Variants in PCDH15 observed in about 807,000 individuals in gnomAD.
The protein encoded by PCDH15 is protocadherin related 15.
In PCDH15, 129 loss-of-function variants were observed where a neutral mutation model predicts 178.5. The ratio of observed to expected loss-of-function variants is 0.72; its 90% CI spans 0.63 to 0.84. PCDH15 has a LOEUF of 0.84. Ranked by LOEUF, PCDH15 falls within the 40% of genes least tolerant of loss-of-function variation. PCDH15 has a pLI of 0.00. For synonymous variants in PCDH15, 800 were observed against 732.0 expected (o/e 1.09, Z -1.50); for missense variants, 2,230 against 2,099.9 (o/e 1.06, Z -1.21).
intron 2 of PCDH15, among the ~76,000 whole-genome samples, chr10:54,927,570 A>G (rs1837663414): frequency 6.6e-6 from 1 of 151,986 alleles, no homozygotes; most frequent in South Asian, 2.1e-4. Flanking sequence ...TGAGAGTCTA[A>G]GTCTCTTTGA....
intron 3 of PCDH15, among the ~76,000 whole-genome samples, chr10:54,380,864 A>G (rs1050792531): frequency 7.3e-5 from 11 of 150,456 alleles, no homozygotes; most frequent in Non-Finnish European, 1.5e-4. Context: ...TAGTGAAACA[A>G]AAACACTGTA....
intron 16 of PCDH15, among the ~76,000 whole-genome samples, chr10:54,080,749 C>A (rs1226319148): frequency 6.6e-6 from 1 of 152,106 alleles, no homozygotes; most frequent in Non-Finnish European, 1.5e-5. Flanking sequence ...GCTTCCTGTA[C>A]ATTTTAAAAA....
At chr10:55,023,663 G>A (rs1840394756) in intron 2 of PCDH15, among the ~76,000 whole-genome samples, 1 of 151,888 alleles carries the variant, frequency 6.6e-6, no homozygotes, top group South Asian at 2.1e-4. Flanking sequence ...TTTGTTTCCT[G>A]CCTTCTTAAA....
chr10:54,336,090 T>C (rs1430646149), intron 6 of PCDH15, among the ~76,000 whole-genome samples: 1 of 152,148 alleles, frequency 6.6e-6, no homozygotes, highest in African/African-American at 2.4e-5. Context: ...TTGTGGAACC[T>C]TGAATTTGAG....
At chr10:54,403,338 C>T (rs35144595) in intron 3 of PCDH15, among the ~76,000 whole-genome samples, 8,189 of 151,856 alleles carry the variant, frequency 0.054, 265 homozygotes, top group Admixed American at 0.098. Context: ...GGTAAAGCAG[C>T]AACCACATGA....
intron 2 of PCDH15, among the ~76,000 whole-genome samples, chr10:54,656,674 G>A (rs2094412161): frequency 6.6e-6 from 1 of 152,134 alleles, no homozygotes; most frequent in Non-Finnish European, 1.5e-5. Context: ...AAGGGAAACA[G>A]AGAGGATCCC....
At chr10:54,508,977 T>C (rs2081403441) in intron 3 of PCDH15, among the ~76,000 whole-genome samples, 2 of 152,196 alleles carry the variant, frequency 1.3e-5, no homozygotes, top group Non-Finnish European at 2.9e-5. Flanking sequence ...AAGGTAATTT[T>C]AAATGATATT....
At chr10:54,746,952 C>T (rs1280361605) in intron 1 of PCDH15, among the ~76,000 whole-genome samples, 1 of 152,138 alleles carries the variant, frequency 6.6e-6, no homozygotes, top group African/African-American at 2.4e-5. Flanking sequence ...GTATTATAGG[C>T]ATTTGTGACT....
intron 2 of PCDH15, among the ~76,000 whole-genome samples, chr10:55,413,305 A>C (rs368568825): frequency 1.3e-5 from 2 of 151,736 alleles, no homozygotes; most frequent in East Asian, 3.9e-4. Context: ...AAAAGGGATA[A>C]AGATTCCTCT....
At chr10:54,091,012 G>A (rs2094592105) in intron 15 of PCDH15, among the ~76,000 whole-genome samples, 1 of 152,116 alleles carries the variant, frequency 6.6e-6, no homozygotes, top group Non-Finnish European at 1.5e-5. Context: ...CAACACCCAA[G>A]TCGGAGAAGA....
At chr10:54,087,005 A>G (rs2094526537) in intron 16 of PCDH15, among the ~76,000 whole-genome samples, 1 of 152,208 alleles carries the variant, frequency 6.6e-6, no homozygotes, top group African/African-American at 2.4e-5. Flanking sequence ...TGGCAAAACT[A>G]GTAGCTCACT....
rs1403564992 is a variant in PCDH15, at chr10:53,806,984, T to G, written c.4818A>C (p.Ala1606=). 1.2e-6 allele frequency: 2 copies of G among 1,613,816 alleles called. No homozygotes were observed. The highest frequency in any genetic ancestry group is 1.6e-4 in the Middle Eastern group (1 of 6,062). ...GGGTTCTCACCACAGAACCATTCTGTGCAATATATATATTGCCGTTGATAT... is the reference window on the plus strand; with the variant it reads ...GGGTTCTCACCACAGAACCATTCTGGGCAATATATATATTGCCGTTGATAT... ...HSNINGNIYI[A]QNGSVVRTRR... Residue 1606 remains alanine (A), a synonymous_variant, in exon 38 of 38, where the codon GCA becomes GCC. Coordinates refer to ENST00000644397, the MANE Select transcript of PCDH15 (RefSeq NM_001384140.1).
intron 2 of PCDH15, among the ~76,000 whole-genome samples, chr10:55,600,391 C>A (rs922913359): frequency 6.6e-6 from 1 of 151,686 alleles, no homozygotes; most frequent in East Asian, 1.9e-4. Context: ...GTTGGGGTGA[C>A]CTTGGAGCAT....
chr10:54,334,623 T>A (rs1481340040), intron 6 of PCDH15, among the ~76,000 whole-genome samples: 1 of 152,006 alleles, frequency 6.6e-6, no homozygotes, highest in Admixed American at 6.6e-5. Flanking sequence ...TTGTTTGTAA[T>A]ATTCTCTTTT....
At chr10:53,969,089 C>A (rs1376548059) in intron 21 of PCDH15, among the ~76,000 whole-genome samples, 1 of 152,094 alleles carries the variant, frequency 6.6e-6, no homozygotes, top group Non-Finnish European at 1.5e-5. Flanking sequence ...GAACCCACCA[C>A]AAAGAAGCTA....
At position 54,301,485 on chromosome 10, in the gene PCDH15, A is replaced by G. The variant is rs78692515; in HGVS notation, c.876+15786T>C. Among the ~76,000 whole-genome samples the G allele has an allele frequency of 7.6e-3, 1,153 of 152,298 alleles. 9 individuals carry two copies. Among genetic ancestry groups the G allele is most frequent in the South Asian group, 0.024 (116 of 4,832 alleles). On this transcript the variant is annotated intron_variant, in intron 8 of 37. Coordinates refer to ENST00000644397, the MANE Select transcript of PCDH15 (RefSeq NM_001384140.1). ...AGGTAAATTTGCATGTATGATGTTT[A>G]TAAGGGAATTAACTTTTAATTAATT...
chr10:53,956,308 G>T (rs2610918), intron 23 of PCDH15, among the ~76,000 whole-genome samples: 1,565 of 152,112 alleles, frequency 0.01, 26 homozygotes, highest in African/African-American at 0.035. Context: ...ATGCCCGTGA[G>T]AAAAAGGATT....
At chr10:54,479,889 G>A (rs1406920192) in intron 3 of PCDH15, among the ~76,000 whole-genome samples, 2 of 151,900 alleles carry the variant, frequency 1.3e-5, no homozygotes, top group Admixed American at 6.6e-5. Flanking sequence ...TCACTTCACC[G>A]CCTCAGCTAC....
At chr10:53,912,535 T>G (rs2083185610) in intron 25 of PCDH15, among the ~76,000 whole-genome samples, 2 of 152,192 alleles carry the variant, frequency 1.3e-5, no homozygotes, top group South Asian at 2.1e-4. Flanking sequence ...GATTGTATAT[T>G]TAGAAAACCC....
Sources: allele counts gnomAD v4.1 joint callset (sites outside exome capture counted in the v4.1 genomes callset), GRCh38; gene constraint gnomAD v4.1.1; transcripts MANE v1.5; gene names NCBI Gene and HGNC (gene_info 2026-07-23, HGNC 2026-07-21).